The following DPP10 variants were observed in gnomAD, a reference collection of about 807,000 sequenced individuals.
DPP10 encodes the protein dipeptidyl peptidase like 10.
In DPP10, 33 loss-of-function variants were observed where a neutral mutation model predicts 120.9. That is an observed-to-expected ratio of 0.27 (90% CI 0.21 to 0.37). DPP10 has a LOEUF of 0.37. DPP10 is among the 10% of genes least tolerant of loss of function. DPP10 has a pLI of 1.00. For missense variants in DPP10, 816 were observed against 942.8 expected, an observed-to-expected ratio of 0.87 and a Z score of 1.76; for synonymous variants, 337 against 326.1, an observed-to-expected ratio of 1.03 and a Z score of -0.36.
chr2:115,044,891 C>T (rs1704944374), intron 1 of DPP10, among the ~76,000 whole-genome samples: 1 of 152,168 alleles, frequency 6.6e-6, no homozygotes, highest in African/African-American at 2.4e-5. Context: ...CTATTCCCAG[C>T]TTATTTCACT....
intron 1 of DPP10, among the ~76,000 whole-genome samples, chr2:114,633,846 C>T (rs1423460797): frequency 6.6e-6 from 1 of 151,816 alleles, no homozygotes; most frequent in East Asian, 1.9e-4. Context: ...AACTCCTGAC[C>T]TCAAGTGATC....
chr2:115,086,719 G>A (rs1248040276), intron 1 of DPP10, among the ~76,000 whole-genome samples: 1 of 152,180 alleles, frequency 6.6e-6, no homozygotes, highest in East Asian at 1.9e-4. Flanking sequence ...GCCTCCCAAA[G>A]TGCTGGGATT....
intron 1 of DPP10, among the ~76,000 whole-genome samples, chr2:114,705,701 G>A (rs566601890): frequency 2.0e-5 from 3 of 152,222 alleles, no homozygotes; most frequent in African/African-American, 7.2e-5. Flanking sequence ...AATAAAAAGA[G>A]ACCATGAGGA....
At chr2:115,141,348 G>A (rs2050917144) in intron 1 of DPP10, among the ~76,000 whole-genome samples, 1 of 152,188 alleles carries the variant, frequency 6.6e-6, no homozygotes, top group Admixed American at 6.6e-5. Flanking sequence ...CTATATTCCA[G>A]ACACCGTGCA....
chr2:115,431,727 C>G (rs564963908), intron 3 of DPP10, among the ~76,000 whole-genome samples: 116 of 152,148 alleles, frequency 7.6e-4, no homozygotes, highest in African/African-American at 2.6e-3. Context: ...CCAGCTTGCC[C>G]CGAATGCACA....
rs542628315 is a variant in DPP10 at position 114,680,885 on chromosome 2, A to G, written c.60+238047A>G. ...CCCATAATCAAAGGCACTTATTTAG[A>G]AAAGAGATGATTTTGACTATTACCT... is the stretch of plus-strand genomic sequence containing the variant. On this transcript the variant is annotated intron_variant, in intron 1 of 25. Transcript: ENST00000410059. Among the ~76,000 whole-genome samples the G allele has an allele frequency of 8.5e-5, 13 of 152,120 alleles. No homozygotes were observed. In the South Asian group the frequency reaches 2.7e-3, roughly 31 times the overall value.
intron 3 of DPP10, among the ~76,000 whole-genome samples, chr2:115,435,205 C>T (rs757884985): frequency 4.6e-5 from 7 of 151,762 alleles, no homozygotes; most frequent in Non-Finnish European, 8.9e-5. Context: ...TACCCAGCAG[C>T]GAGATTGAAT....
intron 1 of DPP10, among the ~76,000 whole-genome samples, chr2:114,919,445 A>G (rs1695038119): frequency 6.6e-6 from 1 of 152,260 alleles, no homozygotes; most frequent in Admixed American, 6.5e-5. Flanking sequence ...GTCTTTTGAC[A>G]TTGAAGGTGT....
At chr2:115,729,602 A>G (rs2092848875) in intron 8 of DPP10, among the ~76,000 whole-genome samples, 1 of 152,138 alleles carries the variant, frequency 6.6e-6, no homozygotes, top group African/African-American at 2.4e-5. Context: ...TTTCATTTCT[A>G]CTAAAAAATT....
At chr2:114,692,234 C>G (rs941176995) in intron 1 of DPP10, among the ~76,000 whole-genome samples, 3 of 151,958 alleles carry the variant, frequency 2.0e-5, no homozygotes, top group Non-Finnish European at 4.4e-5. Flanking sequence ...CTATTAAGTT[C>G]CCTCTTAACA....
chr2:115,819,907 T>C (rs1687636566), intron 21 of DPP10, among the ~76,000 whole-genome samples: 1 of 152,168 alleles, frequency 6.6e-6, no homozygotes, highest in African/African-American at 2.4e-5. Flanking sequence ...GGCAGGAGAA[T>C]CGCTTGAACC....
intron 1 of DPP10, among the ~76,000 whole-genome samples, chr2:114,801,155 C>A (rs754959495): frequency 1.3e-5 from 2 of 149,518 alleles, no homozygotes; most frequent in Non-Finnish European, 3.0e-5. Context: ...CCCAGCTACT[C>A]GGGAGGCTGA....
intron 1 of DPP10, among the ~76,000 whole-genome samples, chr2:114,732,781 G>A (rs975090743): frequency 6.6e-6 from 1 of 152,156 alleles, no homozygotes; most frequent in Admixed American, 6.6e-5. Context: ...TATATGCCAA[G>A]CATTTTACTT....
intron 1 of DPP10, among the ~76,000 whole-genome samples, chr2:114,917,555 C>A (rs965972159): frequency 9.2e-5 from 14 of 152,096 alleles, no homozygotes; most frequent in Non-Finnish European, 1.8e-4. Context: ...TGACTTCAAA[C>A]TATACTACAA....
At chr2:115,235,998 A>G (rs13001269) in intron 1 of DPP10, among the ~76,000 whole-genome samples, 11,854 of 152,250 alleles carry the variant, frequency 0.078, 561 homozygotes, top group East Asian at 0.2. Flanking sequence ...TCCTTAGGTC[A>G]TAACTAAAAA....
chr2:114,598,039 A>G (rs776448928), intron 1 of DPP10, among the ~76,000 whole-genome samples: 74 of 151,938 alleles, frequency 4.9e-4, no homozygotes, highest in Non-Finnish European at 9.0e-4. Flanking sequence ...CCAAAGGTAA[A>G]TGAAACTGGA....
intron 3 of DPP10, among the ~76,000 whole-genome samples, chr2:115,445,588 T>G (rs2072504831): frequency 6.6e-6 from 1 of 152,156 alleles, no homozygotes; most frequent in South Asian, 2.1e-4. Flanking sequence ...GTCCCTGCCC[T>G]AGAGATCTGT....
intron 1 of DPP10, among the ~76,000 whole-genome samples, chr2:115,201,305 A>T (rs940365590): frequency 1.3e-5 from 2 of 152,054 alleles, no homozygotes; most frequent in African/African-American, 4.8e-5. Flanking sequence ...TGTACTAAAA[A>T]TACAAAAATT....
chr2:114,836,227 T>C (rs1285144056), intron 1 of DPP10, among the ~76,000 whole-genome samples: 1 of 152,176 alleles, frequency 6.6e-6, no homozygotes, highest in Non-Finnish European at 1.5e-5. Context: ...GCTGCTCCAT[T>C]TGTGACCCAT....
Sources: gnomAD v4.1 joint callset for allele counts (sites outside exome capture counted in the v4.1 genomes callset) on GRCh38, gnomAD v4.1.1 for gene constraint, MANE v1.5 for transcripts, NCBI Gene and HGNC (gene_info 2026-07-23, HGNC 2026-07-21) for gene names.